Variants in ATP8B3 observed in about 807,000 individuals in gnomAD.
ATP8B3 encodes the protein ATPase phospholipid transporting 8B3.
A neutral mutation model predicts 140.9 loss-of-function variants in ATP8B3; 141 were observed. The observed-to-expected ratio is 1.00, with a 90% CI of 0.87 to 1.15. The LOEUF is 1.15. Among genes scored for constraint, ATP8B3 ranks in the 50% most tolerant of loss-of-function variants. ATP8B3 has a pLI of 0.00. For missense variants in ATP8B3, 1,874 were observed against 1,740.6 expected (o/e 1.08, Z -1.36); for synonymous variants, 765 against 714.6 (o/e 1.07, Z -1.13).
Position 1,782,602 on chromosome 19 carries a change from C to G in ATP8B3, c.*426G>C. ...TGGAGGGCTTCAAAAATGCTGACTT[C>G]TCCTCCGAGGAGTCTGGCTGGCTCT... On this transcript the variant is annotated 3_prime_UTR_variant, in exon 29 of 29. Transcript: ENST00000310127. 4.3e-6 allele frequency: 1 copy of G among 233,766 alleles called. No homozygotes were observed. Among genetic ancestry groups the G allele is most frequent in the South Asian group, 7.5e-5 (1 of 13,414 alleles). 14.5% of individuals were successfully genotyped at this position (233,766 alleles called of 1,614,324 possible).
chr19:1,785,624 C>A lies in ATP8B3; in HGVS notation c.3238G>T (p.Val1080Phe), dbSNP rs757543387. 190 of 1,613,148 alleles carry A rather than the reference C, an allele frequency of 1.2e-4. No homozygotes were observed. Among genetic ancestry groups the A allele is most frequent in the Non-Finnish European group, 1.6e-4 (189 of 1,179,894 alleles). Residue 1080 changes from valine to phenylalanine, a missense_variant, in exon 26 of 29, where the codon GTC becomes TTC. Physicochemically the swap from Val to Phe is conservative, Grantham distance 50 (BLOSUM62 -1). Transcript: ENST00000310127. ...GTCACACCATGGGCGATGGCTTGGA[C>A]GAAGACCCAGTAGTTGAAGAGCTCG... ...KDELFNYWVF[V>F]QAIAHGVTTS...
intron 10 of ATP8B3, among the ~76,000 whole-genome samples, chr19:1,804,056 A>G (rs2068936565): frequency 6.6e-6 from 1 of 152,156 alleles, no homozygotes; most frequent in African/African-American, 2.4e-5. Context: ...AGCAAGGAAA[A>G]GATTCTGTCC....
Position 1,807,322 on chromosome 19 carries a change from C to T in ATP8B3, c.517-56G>A, listed in dbSNP as rs985226075. On this transcript the variant is annotated intron_variant, in intron 5 of 28. Coordinates refer to ENST00000310127, the MANE Select transcript of ATP8B3 (RefSeq NM_138813.4). This position sits in a 1 kb window ranked among gnomAD's most constrained non-coding sequence, Gnocchi z 5.9. ...ACCAGCCCACTCCCCCGTCCCCTGC[C>T]CTTCCACCAAGCCGACCTAGCCCCG... The T allele has an allele frequency of 2.7e-6, 4 of 1,456,904 alleles. No individual in the cohort carries two copies. In the Admixed American group the frequency reaches 5.1e-5, roughly 19 times the overall value. 90.2% of individuals were successfully genotyped at this position (1,456,904 alleles called of 1,614,324 possible). A position where few individuals can be genotyped will look rare whatever the true frequency, so the allele number is the denominator to read the frequency against.
At chr19:1,797,466 A>ATTTT (rs1284196342) in intron 14 of ATP8B3, among the ~76,000 whole-genome samples, 112 of 133,318 alleles carry the variant, frequency 8.4e-4, no homozygotes, top group Middle Eastern at 4.2e-3. Context: ...GTTCTTTTTT[A>ATTTT]TTTTTATTTA....
chr19:1,806,247 T>C lies in ATP8B3; in HGVS notation c.678-78A>G. On this transcript the variant is annotated intron_variant, in intron 7 of 28. Coordinates refer to ENST00000310127, the MANE Select transcript of ATP8B3 (RefSeq NM_138813.4). This position sits in a 1 kb window ranked among gnomAD's most constrained non-coding sequence, Gnocchi z 5.6. ...ACACCGGGAGACCAGAGGCACGGGA[T>C]GACGGGGGGCCCGCAGCTGCAGTCC... 1 of 1,536,536 alleles carries C rather than the reference T, an allele frequency of 6.5e-7. No individual in the cohort carries two copies. Among genetic ancestry groups the C allele is most frequent in the Non-Finnish European group, 8.7e-7 (1 of 1,143,900 alleles).
At chr19:1,796,540 T>C (rs1428364000) in intron 16 of ATP8B3, among the ~76,000 whole-genome samples, 171 bp downstream of exon 16, 1 of 152,228 alleles carries the variant, frequency 6.6e-6, no homozygotes, top group Non-Finnish European at 1.5e-5. Context: ...CAGCACTGTC[T>C]GGGCTCCAGG....
chr19:1,790,019 G>T (rs780375483), intron 21 of ATP8B3, 30 bp from the exon 22 acceptor site: 1 of 1,547,310 alleles, frequency 6.5e-7, no homozygotes, highest in East Asian at 2.2e-5. Flanking sequence ...GCGGGGCAGG[G>T]GAGGGGGCGG....
chr19:1,811,226 C>T (rs979171900), intron 2 of ATP8B3, among the ~76,000 whole-genome samples: 1 of 152,238 alleles, frequency 6.6e-6, no homozygotes, highest in African/African-American at 2.4e-5. Context: ...CTCACCCCCC[C>T]AGGCTGGGCA....
chr19:1,795,972 C>T lies in ATP8B3; in HGVS notation c.1958G>A (p.Gly653Asp). ...RMSVLVRKPE[G>D]AICLYTKGAD... ...GCCCTTGGTGTACAGGCAGATGGCG[C>T]CCTCTGGCTTTCGAACTGTGGGGGA... The change falls in exon 18 of 29, where the codon GGC (glycine) becomes GAC (aspartate). Residue 653 changes from glycine to aspartate, a missense_variant. Transcript: ENST00000310127. 4 of 1,613,232 alleles carry T rather than the reference C, an allele frequency of 2.5e-6. No homozygotes were observed. Among genetic ancestry groups the T allele is most frequent in the Non-Finnish European group, 8.5e-7 (1 of 1,179,860 alleles).
At position 1,804,758 on chromosome 19, in the gene ATP8B3, A is replaced by G. The variant is rs1247977180; in HGVS notation, c.904+616T>C. 2.0e-5 allele frequency among the ~76,000 whole-genome samples: 3 copies of G among 152,302 alleles called. No homozygotes were observed. In the East Asian group the frequency reaches 5.8e-4, roughly 29 times the overall value. ...GAGGCAGAGGTTGCAGTGAGCCAAG[A>G]TCGCACCACTGCACTCCAGCCTGGG... On this transcript the variant is annotated intron_variant, in intron 10 of 28. Coordinates refer to ENST00000310127, the MANE Select transcript of ATP8B3 (RefSeq NM_138813.4).
Position 1,806,721 on chromosome 19 carries a change from G to A in ATP8B3, c.616-32C>T, listed in dbSNP as rs915584863. The A allele has an allele frequency of 4.2e-5, 65 of 1,550,414 alleles. No individual in the cohort carries two copies. The highest frequency in any genetic ancestry group is 5.0e-5 in the Non-Finnish European group (57 of 1,146,564). On this transcript the variant is annotated intron_variant, in intron 6 of 28. Coordinates refer to ENST00000310127, the MANE Select transcript of ATP8B3 (RefSeq NM_138813.4). This position sits in a 1 kb window ranked among gnomAD's most constrained non-coding sequence, Gnocchi z 5.6. ...CAGGAGGGAAAGGATCAGAGAGACC[G>A]TCCAGCCTCTCCTGCCCCCGCCCAG...
In ATP8B3 at chr19:1,782,934, A is replaced by T; in HGVS notation, c.*94T>A. ...GATTGTCTATCCATAGAAAATGATG[A>T]GCTAGGTGTAGGGGGGAGCTGTACT... On this transcript the variant is annotated 3_prime_UTR_variant, in exon 29 of 29. Transcript: ENST00000310127. 1 of 1,446,026 alleles carries T rather than the reference A, an allele frequency of 6.9e-7. No homozygotes were observed. The highest frequency in any genetic ancestry group is 9.3e-7 in the Non-Finnish European group (1 of 1,073,296). 89.6% of individuals were successfully genotyped at this position (1,446,026 alleles called of 1,614,324 possible).
chr19:1,790,691 A>ACCTGGGTG (rs2068477291), intron 21 of ATP8B3, 66 bp downstream of exon 21: 18 of 1,066,330 alleles, frequency 1.7e-5, no homozygotes, highest in Non-Finnish European at 2.1e-5. Flanking sequence ...TGAGACACGC[A>ACCTGGGTG]CCTGGGTGCT....
At position 1,794,558 on chromosome 19, in the gene ATP8B3, G is replaced by C. The variant is rs962680715; in HGVS notation, c.2055+1317C>G. 5.3e-5 allele frequency among the ~76,000 whole-genome samples: 8 copies of C among 152,146 alleles called. No individual in the cohort carries two copies. The highest frequency in any genetic ancestry group is 1.4e-4 in the African/African-American group (6 of 41,430). On this transcript the variant is annotated intron_variant, in intron 18 of 28. Coordinates refer to ENST00000310127, the MANE Select transcript of ATP8B3 (RefSeq NM_138813.4). This position sits in a 1 kb window ranked among gnomAD's most constrained non-coding sequence, Gnocchi z 4.8. ...CTGTAGGGTCAGGGCTGGACCAGGGGGAGGCAGCCTGGGGTGATGACAGCC... is the reference window on the plus strand; with the variant it reads ...CTGTAGGGTCAGGGCTGGACCAGGGCGAGGCAGCCTGGGGTGATGACAGCC...
Position 1,796,868 on chromosome 19 carries a change from G to A in ATP8B3, c.1596C>T (p.Tyr532=), listed in dbSNP as rs780357210. 1.9e-6 allele frequency: 3 copies of A among 1,612,124 alleles called. No individual in the cohort carries two copies. Among genetic ancestry groups the A allele is most frequent in the Middle Eastern group, 1.7e-4 (1 of 6,060 alleles). Residue 532 remains tyrosine, a synonymous_variant, in exon 16 of 29, where the codon TAC becomes TAT. Transcript: ENST00000310127. ...EATTRPKENP[Y]LWNKFADGKL... ...TCCCGTCGGCGAACTTGTTCCAGAG[G>A]TAGGGGTTCTCCTGGGGGTGGCGGG...
intron 18 of ATP8B3, among the ~76,000 whole-genome samples, chr19:1,792,839 T>A (rs948041676): frequency 1.3e-5 from 2 of 150,198 alleles, no homozygotes; most frequent in African/African-American, 4.9e-5. Flanking sequence ...CCCTCGAACC[T>A]GGGAGGCCGA....
intron 20 of ATP8B3, among the ~76,000 whole-genome samples, chr19:1,791,159 T>C (rs2145180623): frequency 6.6e-6 from 1 of 152,058 alleles, no homozygotes; most frequent in South Asian, 2.1e-4. Flanking sequence ...AGAAGGGAAA[T>C]AATTGAATAT....
At chr19:1,796,322 C>G in intron 16 of ATP8B3, 57 bp from the exon 17 acceptor site, 4 of 1,462,956 alleles carry the variant, frequency 2.7e-6, no homozygotes, top group Non-Finnish European at 3.7e-6. Flanking sequence ...TCCATCTCCA[C>G]AGTGCAGGGA....
At chr19:1,788,574 C>T (rs1189036380) in intron 24 of ATP8B3, among the ~76,000 whole-genome samples, 2 of 152,156 alleles carry the variant, frequency 1.3e-5, no homozygotes, top group African/African-American at 2.4e-5. Flanking sequence ...CACTTGAACC[C>T]GGGAGGCGGA....
Sources: allele counts gnomAD v4.1 joint callset (sites outside exome capture counted in the v4.1 genomes callset), GRCh38; gene constraint gnomAD v4.1.1; non-coding constraint Gnocchi (gnomAD v3.1); transcripts MANE v1.5; gene names NCBI Gene and HGNC (gene_info 2026-07-23, HGNC 2026-07-21).